Variants in LIN9 observed in about 807,000 individuals in gnomAD.
LIN9 encodes the protein protein lin-9 homolog.
Under a neutral mutation model 78.0 loss-of-function variants are expected in LIN9, and 18 were observed. The ratio of observed to expected loss-of-function variants is 0.23; its 90% CI spans 0.16 to 0.34. The LOEUF is 0.34. LIN9 is among the 10% of genes least tolerant of loss of function. The pLI is 1.00. For synonymous variants in LIN9, 192 were observed against 215.2 expected (o/e 0.89, Z 0.94); for missense variants, 451 against 644.1 (o/e 0.70, Z 3.25).
At chr1:226,261,185 T>C (rs1179990558) in intron 10 of LIN9, among the ~76,000 whole-genome samples, 1 of 151,942 alleles carries the variant, frequency 6.6e-6, no homozygotes, top group Non-Finnish European at 1.5e-5. Context: ...AATATCATAC[T>C]TAATGGTGAG....
intron 11 of LIN9, among the ~76,000 whole-genome samples, chr1:226,240,609 G>A (rs535154590): frequency 1.3e-5 from 2 of 152,074 alleles, no homozygotes; most frequent in South Asian, 2.1e-4. Flanking sequence ...GGCTGGTCTC[G>A]AACTCCTGAC....
chr1:226,301,925 T>C (rs1249686545), intron 1 of LIN9, among the ~76,000 whole-genome samples: 3 of 151,986 alleles, frequency 2.0e-5, no homozygotes, highest in Non-Finnish European at 2.9e-5. Flanking sequence ...TTTAATTCAC[T>C]GGGTATGGGG....
At chr1:226,289,846 T>TGGGG (rs1553283370) in intron 4 of LIN9, among the ~76,000 whole-genome samples, 1 of 16,284 alleles carries the variant, frequency 6.1e-5, no homozygotes, top group Non-Finnish European at 1.2e-4. Context: ...GGGGGGGGGG[T>TGGGG]GGGGGGGGGT....
chr1:226,278,015 T>G lies in LIN9; in HGVS notation c.525-83A>C, dbSNP rs545395708. 9.7e-5 allele frequency: 112 copies of G among 1,155,444 alleles called. No individual in the cohort carries two copies. In the African/African-American group the frequency reaches 1.6e-3, roughly 16 times the overall value. The allele number at this position is 1,155,444 out of a possible 1,614,324, so 71.6% of individuals were successfully genotyped here. On this transcript the variant is annotated intron_variant, in intron 6 of 14. Transcript: ENST00000681046. ...ATCTTTTTTTTTTCTTTTTTTGAGA[T>G]AGAGTCTGGCTCTGTCATCCAGGCT... is the stretch of plus-strand genomic sequence containing the variant.
intron 4 of LIN9, among the ~76,000 whole-genome samples, chr1:226,295,064 G>A (rs966719196): frequency 2.0e-5 from 3 of 151,824 alleles, no homozygotes; most frequent in African/African-American, 7.3e-5. Context: ...GCTTTCCAAA[G>A]TGCTGTGATT....
At position 226,232,107 on chromosome 1, in the gene LIN9, G is replaced by C. The variant is rs1327536491; in HGVS notation, c.*394C>G. The C allele has an allele frequency of 2.5e-6, 1 of 398,604 alleles. No homozygotes were observed. Among genetic ancestry groups the C allele is most frequent in the Non-Finnish European group, 4.4e-6 (1 of 226,042 alleles). The allele number at this position is 398,604 out of a possible 1,614,324, so 24.7% of individuals were successfully genotyped here. Reference sequence around the variant, plus strand: ...TGGATGGAATTTCCACACTGCCACCGACATGAATAAAAAGACCAGGTTTCT... The same window carrying C: ...TGGATGGAATTTCCACACTGCCACCCACATGAATAAAAAGACCAGGTTTCT... On this transcript the variant is annotated 3_prime_UTR_variant, in exon 15 of 15. Transcript: ENST00000681046.
chr1:226,283,889 C>T (rs939082420), intron 6 of LIN9, among the ~76,000 whole-genome samples: 2 of 151,882 alleles, frequency 1.3e-5, no homozygotes, highest in Admixed American at 6.6e-5. Context: ...TTGCAGTGAG[C>T]CGAGATTGTG....
intron 10 of LIN9, among the ~76,000 whole-genome samples, chr1:226,254,740 T>A (rs1050832861): frequency 6.6e-6 from 1 of 151,780 alleles, no homozygotes; most frequent in African/African-American, 2.4e-5. Flanking sequence ...TGAAACCCCA[T>A]CTCTACTAAA....
chr1:226,267,344 A>ATGTATGTATGTATG (rs372903273), intron 8 of LIN9, among the ~76,000 whole-genome samples: 2 of 146,378 alleles, frequency 1.4e-5, no homozygotes, highest in Admixed American at 7.0e-5. Context: ...GTATGTATGT[A>ATGTATGTATGTATG]TATTCTAGGC....
At position 226,252,326 on chromosome 1, in the gene LIN9, G is replaced by A. The variant is rs567629706; in HGVS notation, c.1039-1407C>T. On this transcript the variant is annotated intron_variant, in intron 10 of 14. Coordinates refer to ENST00000681046, the MANE Select transcript of LIN9 (RefSeq NM_001366245.2). ...TAAATAAATAAATAAATAAATGAAT[G>A]AATGAATGAATGTCTCCTATCAAAA... Among the ~76,000 whole-genome samples the A allele has an allele frequency of 1.4e-3, 206 of 146,878 alleles. 1 individual carries two copies. Among genetic ancestry groups the A allele is most frequent in the Middle Eastern group, 7.1e-3 (2 of 280 alleles).
chr1:226,268,172 A>T, intron 7 of LIN9, 82 bp from the exon 8 acceptor site: 1 of 1,352,366 alleles, frequency 7.4e-7, no homozygotes, highest in South Asian at 1.5e-5. Flanking sequence ...CATGTAATTT[A>T]AATCATAGTA....
chr1:226,306,989 C>T (rs1459751554), intron 1 of LIN9, among the ~76,000 whole-genome samples: 2 of 152,148 alleles, frequency 1.3e-5, no homozygotes, highest in African/African-American at 4.8e-5. Flanking sequence ...ACCAATGCAC[C>T]AGAGATGTCA....
intron 8 of LIN9, among the ~76,000 whole-genome samples, chr1:226,267,267 A>G (rs1659981407): frequency 6.8e-6 from 1 of 147,808 alleles, no homozygotes; most frequent in Admixed American, 6.8e-5. Flanking sequence ...CTTTTAGGAA[A>G]TATATTTACA....
intron 4 of LIN9, among the ~76,000 whole-genome samples, chr1:226,292,592 C>T (rs1219674636): frequency 1.3e-5 from 2 of 151,986 alleles, no homozygotes; most frequent in East Asian, 3.9e-4. Context: ...GAGCTGGTAC[C>T]ACAGGTGCCC....
intron 12 of LIN9, among the ~76,000 whole-genome samples, chr1:226,237,216 G>A (rs191029652): frequency 6.6e-6 from 1 of 152,268 alleles, no homozygotes; most frequent in African/African-American, 2.4e-5. Context: ...TGTCATCCTG[G>A]ACTGCATAGT....
chr1:226,261,106 T>C (rs1207844316), intron 10 of LIN9, among the ~76,000 whole-genome samples: 1 of 150,696 alleles, frequency 6.6e-6, no homozygotes, highest in Admixed American at 6.6e-5. Flanking sequence ...AAACTCTCAG[T>C]AAGCTAGGAA....
chr1:226,290,385 G>A (rs1661682275), intron 4 of LIN9, among the ~76,000 whole-genome samples: 1 of 148,906 alleles, frequency 6.7e-6, no homozygotes, highest in Non-Finnish European at 1.5e-5. Flanking sequence ...CTGTTGCCCA[G>A]GCTGGAGTGC....
intron 7 of LIN9, among the ~76,000 whole-genome samples, chr1:226,277,303 C>T (rs1315431606): frequency 6.6e-6 from 1 of 151,448 alleles, no homozygotes; most frequent in African/African-American, 2.4e-5. Flanking sequence ...TAGCAGTTGG[C>T]TTTAGTTTAT....
At chr1:226,273,067 C>G (rs898502687) in intron 7 of LIN9, among the ~76,000 whole-genome samples, 1 of 151,976 alleles carries the variant, frequency 6.6e-6, no homozygotes, top group Non-Finnish European at 1.5e-5. Flanking sequence ...TTGGCCTCCC[C>G]CAAAGTGCTG....
Sources: allele counts gnomAD v4.1 joint callset (sites outside exome capture counted in the v4.1 genomes callset), GRCh38; gene constraint gnomAD v4.1.1; transcripts MANE v1.5; gene names NCBI Gene and HGNC (gene_info 2026-07-23, HGNC 2026-07-21).